ADGRL1: variants seen among roughly 807,000 people sequenced by gnomAD.
ADGRL1 encodes CIRL-1.
In ADGRL1, 31 loss-of-function variants were observed where a neutral mutation model predicts 148.9. The observed-to-expected ratio is 0.21, with a 90% CI of 0.16 to 0.28. The LOEUF is 0.28. Ranked by LOEUF, ADGRL1 falls within the 10% of genes least tolerant of loss-of-function variation. ADGRL1 has a pLI of 1.00. For synonymous variants in ADGRL1, 937 were observed against 900.3 expected (o/e 1.04, Z -0.73); for missense variants, 1,521 against 2,058.8 (o/e 0.74, Z 5.05).
intron 18 of ADGRL1, among the ~76,000 whole-genome samples, chr19:14,153,958 TA>T (rs377610821): frequency 3.8e-4 from 54 of 142,930 alleles, no homozygotes; most frequent in African/African-American, 9.8e-4. Context: ...ATAATGATAA[TA>T]AAAAAAAAAC....
At chr19:14,158,271 G>A (rs1806747077) in intron 12 of ADGRL1, 67 bp downstream of exon 12, 1 of 1,511,058 alleles carries the variant, frequency 6.6e-7, no homozygotes, top group African/African-American at 1.4e-5. Context: ...TGGAGGGGCA[G>A]GTACACAGCC....
In ADGRL1 at chr19:14,151,299, A is replaced by T. The variant is rs1968158701; in HGVS notation, c.3984T>A (p.Ile1328=). 1 of 1,608,938 alleles carries T rather than the reference A, an allele frequency of 6.2e-7. No individual in the cohort carries two copies. The highest frequency in any genetic ancestry group is 1.7e-5 in the Admixed American group (1 of 59,598). ...GGPGGADRAE[I]ELLYKALEEP... is the part of the protein sequence containing the mutation. ...CCTCCAGGGCCTTATAGAGAAGTTC[A>T]ATCTCGGCCCGGTCAGCACCCCCGG... Residue 1328 remains isoleucine (I), a synonymous_variant, in exon 23 of 23, where the codon ATT becomes ATA. Transcript: ENST00000361434.
rs188867022 is a variant in ADGRL1, at chr19:14,159,820, T to C, written c.1801-47A>G. ...GTCAGGCCAGGCCTCTGGGTGCCGG[T>C]TCCCTCACCCTAATACTGTCACATC... is the stretch of plus-strand genomic sequence containing the variant. On this transcript the variant is annotated intron_variant, in intron 8 of 22. Transcript: ENST00000361434. This position sits in a 1 kb window ranked among gnomAD's most constrained non-coding sequence, Gnocchi z 6.0. 1.5e-4 allele frequency: 227 copies of C among 1,513,158 alleles called. 1 individual carries two copies. The East Asian group carries it at 4.7e-3, about 31-fold the overall frequency. 93.7% of individuals were successfully genotyped at this position (1,513,158 alleles called of 1,614,324 possible).
chr19:14,159,707 C>G lies in ADGRL1; in HGVS notation c.1839+28G>C, dbSNP rs761220177. ...CCCCCCATCAGCTGGAGCCCACGGT[C>G]CTTACACTGGGACCCCCTGGGTCTC... On this transcript the variant is annotated intron_variant, in intron 9 of 22. Transcript: ENST00000361434. The surrounding 1 kb of genome is among the most constrained non-coding windows in gnomAD (Gnocchi z 6.0). 1 of 1,612,078 alleles carries G rather than the reference C, an allele frequency of 6.2e-7. No homozygotes were observed. The highest frequency in any genetic ancestry group is 2.2e-5 in the East Asian group (1 of 44,866).
rs34608406 is a variant in ADGRL1, at chr19:14,174,837, GTTTTTTTTTTT to G, written c.284+2683_284+2693del. On this transcript the variant is annotated intron_variant, in intron 3 of 22. Transcript: ENST00000361434. ...AGGCGTGAAACACTGCACCTGGTCT[GTTTTTTTTTTT>G]TTTTTTTTTTAGAGACAGGGTCTTG... Among the ~76,000 whole-genome samples, 13 of 110,576 alleles carry G rather than the reference GTTTTTTTTTTT, an allele frequency of 1.2e-4. No homozygotes were observed. In the Admixed American group the frequency reaches 1.3e-3, roughly 11 times the overall value. 72.5% of individuals were successfully genotyped at this position (110,576 alleles called of 152,430 possible). A position where few individuals can be genotyped will look rare whatever the true frequency, so the allele number is the denominator to read the frequency against.
intron 1 of ADGRL1, among the ~76,000 whole-genome samples, chr19:14,198,852 C>T (rs867465980): frequency 6.6e-6 from 1 of 152,220 alleles, no homozygotes; most frequent in Non-Finnish European, 1.5e-5. Flanking sequence ...ACTTGCAACT[C>T]TGTTGCGCTC....
At chr19:14,172,890 T>C (rs1970574994) in intron 3 of ADGRL1, among the ~76,000 whole-genome samples, 1 of 152,134 alleles carries the variant, frequency 6.6e-6, no homozygotes, top group African/African-American at 2.4e-5. Context: ...AGCCCTTAGT[T>C]TATGTAACAA....
At chr19:14,174,793 C>G (rs563875367) in intron 3 of ADGRL1, among the ~76,000 whole-genome samples, 14 of 151,500 alleles carry the variant, frequency 9.2e-5, no homozygotes, top group African/African-American at 2.7e-4. Context: ...GCCATGGCCT[C>G]CCAAAGTGCT....
intron 4 of ADGRL1, among the ~76,000 whole-genome samples, chr19:14,166,571 AG>A (rs1969981986): frequency 1.3e-5 from 2 of 149,568 alleles, no homozygotes; most frequent in Non-Finnish European, 3.0e-5. Context: ...ACAGAGAGAG[AG>A]AGAGAGAGAA....
rs1048817933 is a variant in ADGRL1 at position 14,148,893 on chromosome 19, C to T, written c.*1980G>A. On this transcript the variant is annotated 3_prime_UTR_variant, in exon 23 of 23. Coordinates refer to ENST00000361434, the MANE Select transcript of ADGRL1 (RefSeq NM_014921.5). ...GCAGCAAAAAGGGTCCCTCCAGCCA[C>T]CTACCTGTCCCCTTCCCCCCAGTTC... The T allele has an allele frequency of 2.6e-5, 4 of 152,780 alleles. No homozygotes were observed. Among genetic ancestry groups the T allele is most frequent in the African/African-American group, 9.7e-5 (4 of 41,450 alleles). The allele number at this position is 152,780 out of a possible 1,614,324, so 9.5% of individuals were successfully genotyped here.
In ADGRL1 at chr19:14,162,978, T is replaced by C. The variant is rs1434233196; in HGVS notation, c.823A>G (p.Ile275Val). The stretch of plus-strand genomic sequence containing the variant: ...CCGTTGTTGCCCTCAGTGGCGTAGA[T>C]GACCCACAGCCCGTTCTCGTCCACC... The part of the protein sequence containing the change: ...LAVDENGLWV[I>V]YATEGNNGRL... Residue 275 changes from isoleucine (I) to valine (V), a missense_variant, in exon 5 of 23, where the codon ATC becomes GTC. Physicochemically the swap from Ile to Val is conservative, Grantham distance 29. Around this residue, in one of 8 missense-constraint regions of ADGRL1, gnomAD observed 334 missense variants for 512.5 expected, o/e 0.65. Coordinates refer to ENST00000361434, the MANE Select transcript of ADGRL1 (RefSeq NM_014921.5). This position sits in a 1 kb window ranked among gnomAD's most constrained non-coding sequence, Gnocchi z 5.4. The C allele has an allele frequency of 1.2e-6, 2 of 1,613,842 alleles. No individual in the cohort carries two copies. The highest frequency in any genetic ancestry group is 1.7e-6 in the Non-Finnish European group (2 of 1,179,988).
At chr19:14,188,742 C>G (rs1971741459) in intron 1 of ADGRL1, among the ~76,000 whole-genome samples, 1 of 152,246 alleles carries the variant, frequency 6.6e-6, no homozygotes, top group South Asian at 2.1e-4. Context: ...CCTCCGACGT[C>G]CAGGCTCTCC....
At chr19:14,156,778 C>A in intron 15 of ADGRL1, 54 bp from the exon 16 acceptor site, 1 of 1,563,238 alleles carries the variant, frequency 6.4e-7, no homozygotes, top group Non-Finnish European at 8.7e-7. Context: ...CCATTCCCAG[C>A]GACTCATGAA....
Position 14,151,143 on chromosome 19 carries a change from A to G in ADGRL1, c.4140T>C (p.Tyr1380=). The G allele has an allele frequency of 6.3e-7, 1 of 1,599,874 alleles. No individual in the cohort carries two copies. Among genetic ancestry groups the G allele is most frequent in the Non-Finnish European group, 8.5e-7 (1 of 1,174,768 alleles). ...AGTCCCGCAGGTTGGCCCCGCTGGCATAGAGGGAGTCCCGGCCAGGAGGGG... is the reference window on the plus strand; with the variant it reads ...AGTCCCGCAGGTTGGCCCCGCTGGCGTAGAGGGAGTCCCGGCCAGGAGGGG... ...LSSPPGRDSL[Y]ASGANLRDSP... Residue 1380 remains tyrosine (Y), a synonymous_variant, in exon 23 of 23, where the codon TAT becomes TAC. Coordinates refer to ENST00000361434, the MANE Select transcript of ADGRL1 (RefSeq NM_014921.5).
chr19:14,192,372 C>G (rs1304889679), intron 1 of ADGRL1, among the ~76,000 whole-genome samples: 1 of 151,536 alleles, frequency 6.6e-6, no homozygotes, highest in African/African-American at 2.4e-5. Flanking sequence ...TCCTGAGTAG[C>G]TAGGATTACA....
chr19:14,166,279 TCCCAGGGCTGGGGACAGCTGACACCCCTC>T (rs1447257523), intron 4 of ADGRL1, among the ~76,000 whole-genome samples: 4 of 69,254 alleles, frequency 5.8e-5, no homozygotes, highest in Admixed American at 1.7e-4. Context: ...GGCTGCCCCC[TCCCAGGGCTGGGGACAGCTGACACCCCTC>T]CCCAGGGCTG....
Position 14,162,912 on chromosome 19 carries a change from A to G in ADGRL1, c.889T>C (p.Phe297Leu), listed in dbSNP as rs1293528483. The G allele has an allele frequency of 6.2e-7, 1 of 1,613,632 alleles. No individual in the cohort carries two copies. The highest frequency in any genetic ancestry group is 1.1e-5 in the South Asian group (1 of 90,998). The stretch of plus-strand genomic sequence containing the variant: ...TAACCCGTCTCCCACGTGCCCTCAA[A>G]GCGCAGTGTGTAGGGGTTCAGCTGG... ...VSQLNPYTLRFEGTWETGYDK... is the reference protein window; with the variant it reads ...VSQLNPYTLRLEGTWETGYDK... Residue 297 changes from phenylalanine to leucine, a missense_variant, in exon 5 of 23, where the codon TTT (phenylalanine) becomes CTT (leucine). Physicochemically the swap from Phe to Leu is conservative, Grantham distance 22 (BLOSUM62 0). This residue lies in a region of ADGRL1 where 334 missense variants were observed against 512.5 expected (regional missense o/e 0.65). Transcript: ENST00000361434. This position sits in a 1 kb window ranked among gnomAD's most constrained non-coding sequence, Gnocchi z 5.4.
In ADGRL1 at chr19:14,160,157, G is replaced by A; in HGVS notation, c.1755C>T (p.Ala585=). 2 of 1,595,506 alleles carry A rather than the reference G, an allele frequency of 1.3e-6. No homozygotes were observed. Among genetic ancestry groups the A allele is most frequent in the South Asian group, 1.1e-5 (1 of 90,722 alleles). The change falls in exon 8 of 23, where the codon GCC becomes GCT. Residue 585 remains alanine (A), a synonymous_variant. Transcript: ENST00000361434. The surrounding 1 kb of genome is among the most constrained non-coding windows in gnomAD (Gnocchi z 5.9). ...CTGACTCGCGCTCGATGGGCCGCAG[G>A]GCCTGCAGCTGGGCATCCAGGATGT... ...LLDILDAQLQ[A]LRPIERESAG... is the part of the protein sequence containing the mutation.
chr19:14,193,109 C>T (rs962424972), intron 1 of ADGRL1, among the ~76,000 whole-genome samples: 3 of 151,948 alleles, frequency 2.0e-5, no homozygotes, highest in Non-Finnish European at 2.9e-5. Context: ...CCCAGGAGCA[C>T]GACGCCCTCT....
Sources: allele counts gnomAD v4.1 joint callset (sites outside exome capture counted in the v4.1 genomes callset), GRCh38; gene constraint gnomAD v4.1.1; regional missense constraint gnomAD v4.1.1; non-coding constraint Gnocchi (gnomAD v3.1); transcripts MANE v1.5; gene names NCBI Gene and HGNC (gene_info 2026-07-23, HGNC 2026-07-21).